The following PCDH11X variants were observed in gnomAD, a reference collection of about 807,000 sequenced individuals.
The protein encoded by PCDH11X is protocadherin-11 X-linked.
PCDH11X carries 18 observed loss-of-function variants against 53.3 expected under a neutral mutation model. The ratio of observed to expected loss-of-function variants is 0.34; its 90% CI spans 0.23 to 0.50. PCDH11X has a LOEUF of 0.50. Ranked by LOEUF, PCDH11X falls within the 20% of genes least tolerant of loss-of-function variation. The pLI is 0.98. For synonymous variants in PCDH11X, 279 were observed against 393.3 expected (o/e 0.71, Z 3.44); for missense variants, 570 against 1,032.4 (o/e 0.55, Z 6.14).
chrX:92,215,804 C>T (rs1163491600), intron 7 of PCDH11X, among the ~76,000 whole-genome samples: 1 of 106,583 alleles, frequency 9.4e-6, no homozygotes, highest in Non-Finnish European at 1.9e-5. Flanking sequence ...GAGGCACCCC[C>T]CAGTAGGGGC....
At chrX:91,958,485 G>A (rs1033124600) in intron 6 of PCDH11X, among the ~76,000 whole-genome samples, 1 of 111,065 alleles carries the variant, frequency 9.0e-6, no homozygotes, top group African/African-American at 3.3e-5. Flanking sequence ...CTCATGAGGC[G>A]ATATCCAGAT....
intron 10 of PCDH11X, among the ~76,000 whole-genome samples, chrX:92,548,615 A>G (rs1252249187): frequency 1.0e-5 from 1 of 99,733 alleles, no homozygotes; most frequent in Non-Finnish European, 2.2e-5. Flanking sequence ...ATGTGAGCCA[A>G]TTTCAATACT....
intron 6 of PCDH11X, among the ~76,000 whole-genome samples, chrX:91,956,510 G>A (rs1352513721): frequency 2.8e-5 from 3 of 108,981 alleles, no homozygotes; most frequent in Admixed American, 9.9e-5. Context: ...CTTCACTTAC[G>A]AAATGTAGTT....
intron 10 of PCDH11X, among the ~76,000 whole-genome samples, chrX:92,556,120 C>T (rs2075042093): frequency 9.0e-6 from 1 of 111,728 alleles, no homozygotes; most frequent in African/African-American, 3.3e-5. Context: ...CCACTGGGTC[C>T]CTCCCATGAC....
At chrX:91,969,909 T>C (rs2061926913) in intron 6 of PCDH11X, among the ~76,000 whole-genome samples, 1 of 110,741 alleles carries the variant, frequency 9.0e-6, no homozygotes, top group African/African-American at 3.3e-5. Flanking sequence ...CAGTTCTTTT[T>C]ATGTGACTTG....
At chrX:92,548,460 C>T (rs1257226364) in intron 10 of PCDH11X, among the ~76,000 whole-genome samples, 2 of 111,871 alleles carry the variant, frequency 1.8e-5, no homozygotes, top group Admixed American at 1.9e-4. Flanking sequence ...CATGAGCCAT[C>T]GCACGCAGCC....
At chrX:92,108,140 C>T (rs2064426617) in intron 6 of PCDH11X, among the ~76,000 whole-genome samples, 1 of 111,756 alleles carries the variant, frequency 8.9e-6, no homozygotes, top group Admixed American at 9.5e-5. Flanking sequence ...ATACCTGGTT[C>T]AAAATGCAGA....
chrX:91,839,196 A>G (rs971553312), intron 5 of PCDH11X, among the ~76,000 whole-genome samples: 4 of 110,586 alleles, frequency 3.6e-5, no homozygotes, highest in African/African-American at 1.3e-4. Context: ...TATGACTGGT[A>G]AATGATAGAG....
chrX:91,832,228 G>T (rs1403564850), intron 4 of PCDH11X, among the ~76,000 whole-genome samples: 1 of 106,112 alleles, frequency 9.4e-6, no homozygotes, highest in African/African-American at 3.4e-5. Context: ...CAATAGCAAA[G>T]ACTTGGAACC....
chrX:92,479,421 T>C (rs1384950452), intron 10 of PCDH11X, among the ~76,000 whole-genome samples: 5 of 108,260 alleles, frequency 4.6e-5, no homozygotes, highest in Non-Finnish European at 7.6e-5. Flanking sequence ...CTGGTTATTC[T>C]GCAGACTTGT....
In PCDH11X at chrX:92,477,289, C is replaced by T. The variant is rs142845997; in HGVS notation, c.3367+8967C>T. On this transcript the variant is annotated intron_variant, in intron 10 of 10. Coordinates refer to ENST00000682573, the MANE Select transcript of PCDH11X (RefSeq NM_032968.5). The stretch of plus-strand genomic sequence containing the variant: ...GTCTAAGTGGTATTCTATTGTACGG[C>T]AACTGAGCTGGCACTCAAACCACAA... Among the ~76,000 whole-genome samples, 1,033 of 103,969 alleles carry T rather than the reference C, an allele frequency of 9.9e-3. 10 individuals are homozygous for T. The highest frequency in any genetic ancestry group is 0.036 in the African/African-American group (1,002 of 28,159). The allele number at this position is 103,969 out of a possible 115,157, so 90.3% of individuals were successfully genotyped here. A position where few individuals can be genotyped will look rare whatever the true frequency, so the allele number is the denominator to read the frequency against.
In PCDH11X at chrX:92,472,370, C is replaced by CTT. The variant is rs750331340; in HGVS notation, c.3367+4068_3367+4069dup. ...TGAATAGAAAATCCTTTCTTCAGAGCTTTTTTTTTTTTTTTTTTTTTGGTC... is the reference window on the plus strand; with the variant it reads ...TGAATAGAAAATCCTTTCTTCAGAGCTTTTTTTTTTTTTTTTTTTTTTTGGTC... On this transcript the variant is annotated intron_variant, in intron 10 of 10. Transcript: ENST00000682573. Among the ~76,000 whole-genome samples, 122 of 52,493 alleles carry CTT rather than the reference C, an allele frequency of 2.3e-3. 2 individuals are homozygous for CTT. Among genetic ancestry groups the CTT allele is most frequent in the Admixed American group, 3.0e-3 (13 of 4,345 alleles). 45.6% of individuals were successfully genotyped at this position (52,493 alleles called of 115,157 possible).
chrX:92,261,359 C>A (rs778794753), intron 7 of PCDH11X, among the ~76,000 whole-genome samples: 1 of 111,633 alleles, frequency 9.0e-6, no homozygotes, highest in South Asian at 3.7e-4. Flanking sequence ...TGAAAATATA[C>A]AATTTAGGGA....
intron 1 of PCDH11X, among the ~76,000 whole-genome samples, chrX:91,790,667 C>T (rs1432941818): frequency 1.8e-5 from 2 of 111,144 alleles, no homozygotes; most frequent in Non-Finnish European, 3.8e-5. Flanking sequence ...CCATGCTAAC[C>T]ACTTTCCTCA....
chrX:92,125,631 T>C (rs1302232274), intron 6 of PCDH11X, among the ~76,000 whole-genome samples: 1 of 111,331 alleles, frequency 9.0e-6, no homozygotes, highest in Non-Finnish European at 1.9e-5. Flanking sequence ...TAGTCTTTTT[T>C]TGTTTGTTTG....
chrX:92,056,261 GATTGGC>G (rs1449446661), intron 6 of PCDH11X, among the ~76,000 whole-genome samples: 1 of 111,510 alleles, frequency 9.0e-6, no homozygotes, highest in East Asian at 2.8e-4. Flanking sequence ...TTGTGGTTTG[GATTGGC>G]ATTTCTCTAA....
chrX:92,360,243 T>C (rs756844280), intron 8 of PCDH11X, among the ~76,000 whole-genome samples: 183 of 111,360 alleles, frequency 1.6e-3, no homozygotes, highest in African/African-American at 5.5e-3. Flanking sequence ...TTATACTTTG[T>C]ATACAGTGCT....
chrX:92,098,954 GCT>G (rs34448505), intron 6 of PCDH11X, among the ~76,000 whole-genome samples: 1 of 111,450 alleles, frequency 9.0e-6, no homozygotes, highest in African/African-American at 3.3e-5. Context: ...GCCCCTGAAT[GCT>G]CTCTTTTAAT....
intron 5 of PCDH11X, among the ~76,000 whole-genome samples, chrX:91,846,196 T>C (rs1358846672): frequency 8.9e-6 from 1 of 112,168 alleles, no homozygotes. Flanking sequence ...CTTCCTGTTA[T>C]TACCAGGCAA....
Sources: gnomAD v4.1 joint callset for allele counts (sites outside exome capture counted in the v4.1 genomes callset) on GRCh38, gnomAD v4.1.1 for gene constraint, MANE v1.5 for transcripts, NCBI Gene and HGNC (gene_info 2026-07-23, HGNC 2026-07-21) for gene names.